The following MXRA5 variants were observed in gnomAD, a reference collection of about 807,000 sequenced individuals.
MXRA5 encodes matrix remodeling associated 5.
In MXRA5, 41 loss-of-function variants were observed where a neutral mutation model predicts 112.5. The ratio of observed to expected loss-of-function variants is 0.36; its 90% CI spans 0.28 to 0.47. MXRA5 has a LOEUF of 0.47. Ranked by LOEUF, MXRA5 falls within the 20% of genes least tolerant of loss-of-function variation. The pLI, the probability that MXRA5 is intolerant of heterozygous loss-of-function variation, is 0.99. For synonymous variants in MXRA5, 862 were observed against 900.8 expected (o/e 0.96, Z 0.77); for missense variants, 2,150 against 2,251.0 (o/e 0.96, Z 0.91).
chrX:3,323,071 C>T lies in MXRA5; in HGVS notation c.2614G>A (p.Val872Ile), dbSNP rs762527592. 4 of 1,211,912 alleles carry T rather than the reference C, an allele frequency of 3.3e-6. No homozygotes were observed. The highest frequency in any genetic ancestry group is 4.5e-6 in the Non-Finnish European group (4 of 895,581). The change falls in exon 5 of 7, where the codon GTT (valine) becomes ATT (isoleucine). Residue 872 changes from valine to isoleucine, a missense_variant. Around this residue, in one of 6 missense-constraint regions of MXRA5, gnomAD observed 1,485 missense variants for 1,471.6 expected, o/e 1.01. Coordinates refer to ENST00000217939, the MANE Select transcript of MXRA5 (RefSeq NM_015419.4). The stretch of plus-strand genomic sequence containing the variant: ...GTTACTTCAGGTTCAACAAGAATAA[C>T]TCCATTGTGGTTGTGTTCTAGCCCC... The part of the protein sequence containing the change: ...SMGLEHNHNG[V>I]ILVEPEVTST...
In MXRA5 at chrX:3,337,652, C is replaced by A. The variant is rs187605827; in HGVS notation, c.188+5994G>T. ...TGAACTGAAGTATGTGTTAAAACAG[C>A]AATGTTGGCCACTTCCTGGAGAACG... is the stretch of plus-strand genomic sequence containing the variant. On this transcript the variant is annotated intron_variant, in intron 2 of 6. Coordinates refer to ENST00000217939, the MANE Select transcript of MXRA5 (RefSeq NM_015419.4). Among the ~76,000 whole-genome samples the A allele has an allele frequency of 5.2e-3, 578 of 112,012 alleles. 3 individuals carry two copies. Among genetic ancestry groups the A allele is most frequent in the African/African-American group, 0.018 (551 of 30,824 alleles).
rs1196086147 is a variant in MXRA5 at position 3,322,452 on chromosome X, G to A, written c.3233C>T (p.Thr1078Ile). ...CTCACTCTCAGAACTTCTGGAGTGT[G>A]TGGGGTCTCCCTCTAGCATATTTCC... The part of the protein sequence containing the change: ...QGGNMLEGDP[T>I]HSRSSESEGQ... The change falls in exon 5 of 7, where the codon ACA becomes ATA. Residue 1078 changes from threonine (T) to isoleucine (I), a missense_variant. Thr to Ile is a moderately conservative substitution (Grantham distance 89). This residue lies in a region of MXRA5 where 1,485 missense variants were observed against 1,471.6 expected (regional missense o/e 1.01). Coordinates refer to ENST00000217939, the MANE Select transcript of MXRA5 (RefSeq NM_015419.4). 8.3e-7 allele frequency: 1 copy of A among 1,209,527 alleles called. No homozygotes were observed. Among genetic ancestry groups the A allele is most frequent in the African/African-American group, 1.8e-5 (1 of 57,031 alleles).
At chrX:3,338,817 C>T (rs1921843421) in intron 2 of MXRA5, among the ~76,000 whole-genome samples, 1 of 109,456 alleles carries the variant, frequency 9.1e-6, no homozygotes, top group Non-Finnish European at 1.9e-5. Context: ...AGATGCATGA[C>T]AGATAGATGA....
Position 3,321,043 on chromosome X carries a change from C to T in MXRA5, c.4642G>A (p.Gly1548Arg). 1 of 1,211,812 alleles carries T rather than the reference C, an allele frequency of 8.3e-7. No individual in the cohort carries two copies. The highest frequency in any genetic ancestry group is 1.1e-6 in the Non-Finnish European group (1 of 895,516). Residue 1548 changes from glycine to arginine, a missense_variant, in exon 5 of 7, where the codon GGA (glycine) becomes AGA (arginine). Coordinates refer to ENST00000217939, the MANE Select transcript of MXRA5 (RefSeq NM_015419.4). ...ETEATPVNNEGTQHMSGPNEL... is the reference protein window; with the variant it reads ...ETEATPVNNERTQHMSGPNEL... ...TTTGGCCCTGACATATGCTGTGTTC[C>T]TTCATTGTTCACTGGGGTTGCTTCT...
At chrX:3,346,470 C>A in intron 1 of MXRA5, 45 bp downstream of exon 1, 8 of 741,570 alleles carry the variant, frequency 1.1e-5, no homozygotes, top group Non-Finnish European at 1.3e-5. Context: ...CCCCTGCAGG[C>A]AGACACGGCA....
rs1428524288 is a variant in MXRA5 at position 3,317,413 on chromosome X, G to A, written c.6268C>T (p.Arg2090Cys). Residue 2090 changes from arginine (R) to cysteine (C), a missense_variant, in exon 6 of 7, where the codon CGC becomes TGC. Transcript: ENST00000217939. ...RWVLGDGTQI[R>C]PSQFLHGNLF... is the part of the protein sequence containing the mutation. ...TTCCCGTGGAGGAACTGCGAGGGGC[G>A]GATCTGGGTACCGTCCCCGAGCACC... is the stretch of plus-strand genomic sequence containing the variant. 1.7e-5 allele frequency: 20 copies of A among 1,203,007 alleles called. No individual in the cohort carries two copies. Among genetic ancestry groups the A allele is most frequent in the Non-Finnish European group, 2.2e-5 (20 of 891,908 alleles).
At chrX:3,341,168 TA>T (rs1252965398) in intron 2 of MXRA5, among the ~76,000 whole-genome samples, 2 of 54,510 alleles carry the variant, frequency 3.7e-5, no homozygotes, top group African/African-American at 7.3e-5. Flanking sequence ...TTATATATTA[TA>T]TACATAATAT....
rs751944716 is a variant in MXRA5 at position 3,342,980 on chromosome X, A to G, written c.188+666T>C. 1.2e-4 allele frequency among the ~76,000 whole-genome samples: 14 copies of G among 112,462 alleles called. No individual in the cohort carries two copies. In the South Asian group the frequency reaches 5.2e-3, roughly 41 times the overall value. On this transcript the variant is annotated intron_variant, in intron 2 of 6. Coordinates refer to ENST00000217939, the MANE Select transcript of MXRA5 (RefSeq NM_015419.4). The stretch of plus-strand genomic sequence containing the variant: ...GGATGGATGCTAAAAAGTAGCTATT[A>G]TATTTTGTTGACGAACTCCAAATGA...
chrX:3,310,894 C>T lies in MXRA5; in HGVS notation c.7309G>A (p.Val2437Ile), dbSNP rs41309655. ...DRKTVWIHVNVQPPKINGNPN... is the reference protein window; with the variant it reads ...DRKTVWIHVNIQPPKINGNPN... ...TTACCGTTGATCTTGGGTGGCTGGA[C>T]GTTGACGTGAATCCACACCGTCTTC... Residue 2437 changes from valine to isoleucine, a missense_variant, in exon 7 of 7, where the codon GTC (valine) becomes ATC (isoleucine). By Grantham distance (29) the Val-to-Ile change is conservative. Coordinates refer to ENST00000217939, the MANE Select transcript of MXRA5 (RefSeq NM_015419.4). The T allele has an allele frequency of 8.3e-7, 1 of 1,211,263 alleles. No homozygotes were observed. Among genetic ancestry groups the T allele is most frequent in the Non-Finnish European group, 1.1e-6 (1 of 895,414 alleles).
At chrX:3,316,383 A>G (rs1293056899) in intron 6 of MXRA5, among the ~76,000 whole-genome samples, 8 of 104,002 alleles carry the variant, frequency 7.7e-5, no homozygotes, top group Non-Finnish European at 1.2e-4. Context: ...GGCCAGGCAC[A>G]GGAGCTCAAG....
chrX:3,319,089 A>G (rs1248025433), intron 5 of MXRA5, among the ~76,000 whole-genome samples: 1 of 111,603 alleles, frequency 9.0e-6, no homozygotes, highest in Non-Finnish European at 1.9e-5. Flanking sequence ...GATATTAATT[A>G]AAGAGTATGA....
rs189171864 is a variant in MXRA5 at position 3,330,283 on chromosome X, G to A, written c.444C>T (p.Asn148=). 9.9e-6 allele frequency: 12 copies of A among 1,209,087 alleles called. No homozygotes were observed. Among genetic ancestry groups the A allele is most frequent in the East Asian group, 8.9e-5 (3 of 33,713 alleles). The change falls in exon 4 of 7, where the codon AAC becomes AAT. Residue 148 remains asparagine, a synonymous_variant. Transcript: ENST00000217939. Reference sequence around the variant, plus strand: ...GGAGTAGCCTCAGAGACGTTAAGCCGTTGAAAGCTTGAGGGTGGATAAACT... The same window carrying A: ...GGAGTAGCCTCAGAGACGTTAAGCCATTGAAAGCTTGAGGGTGGATAAACT... ...KIEFIHPQAF[N]GLTSLRLLHL...
chrX:3,329,006 C>G (rs1921579369), intron 4 of MXRA5, among the ~76,000 whole-genome samples: 5 of 76,601 alleles, frequency 6.5e-5, no homozygotes, highest in East Asian at 4.1e-4. Flanking sequence ...AGGTGGGAAG[C>G]AGGGAGGGAA....
chrX:3,341,306 AT>A (rs1196086420), intron 2 of MXRA5, among the ~76,000 whole-genome samples: 3 of 47,230 alleles, frequency 6.4e-5, no homozygotes, highest in African/African-American at 1.5e-4. Context: ...TATACATATT[AT>A]ATTATATATA....
intron 2 of MXRA5, 31 bp downstream of exon 2, chrX:3,343,615 T>G (rs1308130933): frequency 8.5e-7 from 1 of 1,180,361 alleles, no homozygotes; most frequent in Non-Finnish European, 1.1e-6. Flanking sequence ...GCACTGACAG[T>G]GGGAAGGTTC....
chrX:3,330,413 A>G lies in MXRA5; in HGVS notation c.319-5T>C. 1 of 1,188,368 alleles carries G rather than the reference A, an allele frequency of 8.4e-7. No individual in the cohort carries two copies. Among genetic ancestry groups the G allele is most frequent in the Non-Finnish European group, 1.1e-6 (1 of 885,254 alleles). The stretch of plus-strand genomic sequence containing the variant: ...GTTGTAGCTGAACTTGAAAACCTGC[A>G]AGGACAGGGGAAAACAAAACAAAAC... On this transcript the variant is annotated splice_region_variant and splice_polypyrimidine_tract_variant and intron_variant, in intron 3 of 6. Transcript: ENST00000217939.
intron 2 of MXRA5, 75 bp from the exon 3 acceptor site, chrX:3,330,848 G>A (rs1921648514): frequency 2.1e-5 from 16 of 752,142 alleles, no homozygotes; most frequent in East Asian, 3.8e-5. Context: ...ACTCCCATAT[G>A]GGAAACATTC....
Position 3,322,121 on chromosome X carries a change from A to G in MXRA5, c.3564T>C (p.Pro1188=). 8.3e-7 allele frequency: 1 copy of G among 1,207,150 alleles called. No individual in the cohort carries two copies. Among genetic ancestry groups the G allele is most frequent in the East Asian group, 3.0e-5 (1 of 33,753 alleles). ...CCACTTGACTTGAAATCTTAATGTC[A>G]GGTGCTTGAGTTGGTTGAGTAGAAA... ...ETFSTQPTQA[P]DIKISSQVES... Residue 1188 remains proline, a synonymous_variant, in exon 5 of 7, where the codon CCT becomes CCC. Transcript: ENST00000217939.
intron 4 of MXRA5, among the ~76,000 whole-genome samples, chrX:3,327,439 A>G (rs1406765648): frequency 1.8e-5 from 2 of 112,475 alleles, no homozygotes. Context: ...CGCAGCCTCT[A>G]CATGAATGCC....
Sources: allele counts gnomAD v4.1 joint callset (sites outside exome capture counted in the v4.1 genomes callset), GRCh38; gene constraint gnomAD v4.1.1; regional missense constraint gnomAD v4.1.1; transcripts MANE v1.5; gene names NCBI Gene and HGNC (gene_info 2026-07-23, HGNC 2026-07-21).